The following CEP112 variants were observed in gnomAD, a reference collection of about 807,000 sequenced individuals.
CEP112 encodes centrosomal protein 112.
In CEP112, 127 loss-of-function variants were observed where a neutral mutation model predicts 153.0. That is an observed-to-expected ratio of 0.83 (90% CI 0.72 to 0.96). The LOEUF (loss-of-function observed/expected upper bound fraction) is 0.96, where lower values mean the gene tolerates loss of function less well. CEP112 is among the 40% of genes least tolerant of loss of function. The pLI is 0.00. For synonymous variants in CEP112, 358 were observed against 374.4 expected (o/e 0.96, Z 0.51); for missense variants, 1,089 against 1,101.2 (o/e 0.99, Z 0.16).
chr17:66,167,342 C>G (rs1171727963), intron 4 of CEP112, among the ~76,000 whole-genome samples: 1 of 151,900 alleles, frequency 6.6e-6, no homozygotes, highest in Non-Finnish European at 1.5e-5. Context: ...TAACACTTAA[C>G]AGGCCCTCTG....
intron 18 of CEP112, among the ~76,000 whole-genome samples, chr17:65,928,148 T>A (rs980853966): frequency 3.3e-5 from 5 of 152,192 alleles, no homozygotes; most frequent in Non-Finnish European, 7.4e-5. Flanking sequence ...CAAAAAGATA[T>A]ACAAAAGGCC....
intron 18 of CEP112, among the ~76,000 whole-genome samples, chr17:65,940,144 A>T: frequency 6.6e-6 from 1 of 152,234 alleles, no homozygotes; most frequent in East Asian, 1.9e-4. Context: ...AAAATGCTCA[A>T]CATCACTAAT....
chr17:65,789,874 T>C (rs1032317644), intron 21 of CEP112, among the ~76,000 whole-genome samples: 8 of 152,172 alleles, frequency 5.3e-5, no homozygotes, highest in African/African-American at 1.4e-4. Context: ...GCATCTAGCA[T>C]ATAATAGGAT....
At chr17:65,816,767 T>C (rs949488155) in intron 21 of CEP112, among the ~76,000 whole-genome samples, 2 of 151,886 alleles carry the variant, frequency 1.3e-5, no homozygotes, top group East Asian at 1.9e-4. Flanking sequence ...GCAATATTAA[T>C]ATCTAGTTTT....
At chr17:66,076,552 A>G (rs1014126220) in intron 8 of CEP112, among the ~76,000 whole-genome samples, 3 of 152,056 alleles carry the variant, frequency 2.0e-5, no homozygotes, top group African/African-American at 4.8e-5. Flanking sequence ...CCACAGTAAG[A>G]GCTGCCCAAG....
intron 19 of CEP112, among the ~76,000 whole-genome samples, chr17:65,903,856 C>CA (rs201650854): frequency 0.22 from 32,759 of 151,988 alleles, 3,743 homozygotes; most frequent in South Asian, 0.38. Context: ...GAACCAATCA[C>CA]AAAAAACACA....
intron 12 of CEP112, among the ~76,000 whole-genome samples, chr17:66,045,963 GATACC>G (rs888076909): frequency 6.6e-6 from 1 of 152,168 alleles, no homozygotes; most frequent in African/African-American, 2.4e-5. Flanking sequence ...CATGACACAT[GATACC>G]ACAACAGAAT....
intron 17 of CEP112, among the ~76,000 whole-genome samples, chr17:65,969,853 G>T (rs1175787185): frequency 1.3e-5 from 2 of 152,094 alleles, no homozygotes; most frequent in African/African-American, 4.8e-5. Flanking sequence ...TATATAGCAT[G>T]CATGCAAATT....
chr17:66,057,699 G>A, intron 11 of CEP112, among the ~76,000 whole-genome samples: 1 of 150,682 alleles, frequency 6.6e-6, no homozygotes. Context: ...TATTAATTTT[G>A]GTGCCTGTCC....
At chr17:65,833,856 T>C (rs974134124) in intron 21 of CEP112, among the ~76,000 whole-genome samples, 6 of 152,088 alleles carry the variant, frequency 3.9e-5, no homozygotes, top group Non-Finnish European at 7.4e-5. Context: ...ACTATTTCAA[T>C]ATTCATATGA....
chr17:65,766,157 C>T (rs555846902), intron 21 of CEP112, among the ~76,000 whole-genome samples: 550 of 140,686 alleles, frequency 3.9e-3, no homozygotes, highest in Middle Eastern at 0.014. Flanking sequence ...GGTATCATAA[C>T]GAAGAACCGA....
intron 20 of CEP112, among the ~76,000 whole-genome samples, chr17:65,867,091 C>T (rs575888658): frequency 2.6e-5 from 4 of 152,312 alleles, no homozygotes; most frequent in East Asian, 3.9e-4. Flanking sequence ...TAAAGCTCTG[C>T]GGTTCCTGAT....
At chr17:65,873,860 G>A (rs1237211922) in intron 20 of CEP112, among the ~76,000 whole-genome samples, 1 of 152,146 alleles carries the variant, frequency 6.6e-6, no homozygotes, top group East Asian at 1.9e-4. Flanking sequence ...AGTAAAAGAT[G>A]CCTTGAATAT....
chr17:66,046,502 T>C (rs916500760), intron 12 of CEP112, among the ~76,000 whole-genome samples: 2 of 152,178 alleles, frequency 1.3e-5, no homozygotes, highest in Admixed American at 6.5e-5. Flanking sequence ...CTTTTCTCCT[T>C]CTTAAATCCA....
chr17:65,706,453 C>G (rs1348052610), intron 23 of CEP112, among the ~76,000 whole-genome samples: 1 of 152,194 alleles, frequency 6.6e-6, no homozygotes, highest in Non-Finnish European at 1.5e-5. Context: ...GCTTTAGTTA[C>G]ACTTAACTTG....
intron 23 of CEP112, among the ~76,000 whole-genome samples, chr17:65,721,677 C>T (rs1233746808): frequency 6.6e-6 from 1 of 152,206 alleles, no homozygotes; most frequent in African/African-American, 2.4e-5. Flanking sequence ...AGTGTCTTTG[C>T]TGAGCTTCCA....
rs552958506 is a variant in CEP112, at chr17:65,931,191, T to C, written c.1873-3502A>G. Among the ~76,000 whole-genome samples, 31 of 152,244 alleles carry C rather than the reference T, an allele frequency of 2.0e-4. No individual in the cohort carries two copies. In the South Asian group the frequency reaches 4.6e-3, roughly 22 times the overall value. ...AGGAGGAGGGACATCAGCAAGATGG[T>C]AGAATAAAAGTTCCACAGCTCCAGT... On this transcript the variant is annotated intron_variant, in intron 18 of 26. Coordinates refer to ENST00000535342, the MANE Select transcript of CEP112 (RefSeq NM_001199165.4).
At chr17:66,035,333 G>A (rs565144457) in intron 12 of CEP112, among the ~76,000 whole-genome samples, 1 of 152,138 alleles carries the variant, frequency 6.6e-6, no homozygotes, top group Admixed American at 6.5e-5. Flanking sequence ...CAGTCTTTTT[G>A]AGGATATGCA....
chr17:65,954,195 C>T (rs754584951), intron 18 of CEP112, among the ~76,000 whole-genome samples: 3 of 152,194 alleles, frequency 2.0e-5, no homozygotes, highest in Non-Finnish European at 4.4e-5. Flanking sequence ...CAGACACTCC[C>T]CAGTACCAAC....
Sources: allele counts gnomAD v4.1 joint callset (sites outside exome capture counted in the v4.1 genomes callset), GRCh38; gene constraint gnomAD v4.1.1; transcripts MANE v1.5; gene names NCBI Gene and HGNC (gene_info 2026-07-23, HGNC 2026-07-21).